Variants in PTGER4 observed in about 807,000 individuals in gnomAD.
PTGER4 encodes the protein prostaglandin E2 receptor EP4 subtype.
Under a neutral mutation model 33.2 loss-of-function variants are expected in PTGER4, and 11 were observed. The observed-to-expected ratio is 0.33, with a 90% CI of 0.21 to 0.55. The LOEUF (loss-of-function observed/expected upper bound fraction) is 0.55, where lower values mean the gene tolerates loss of function less well. Ranked by LOEUF, PTGER4 falls within the 20% of genes least tolerant of loss-of-function variation. PTGER4 has a pLI of 0.92. For synonymous variants in PTGER4, 275 were observed against 281.5 expected (o/e 0.98, Z 0.23); for missense variants, 481 against 650.2 (o/e 0.74, Z 2.83).
intron 2 of PTGER4, among the ~76,000 whole-genome samples, chr5:40,685,759 A>G (rs1741308316): frequency 6.6e-6 from 1 of 152,228 alleles, no homozygotes; most frequent in Non-Finnish European, 1.5e-5. Context: ...AAGAATTTAT[A>G]TCATTCTGCA....
the PTGER4 span, among the ~76,000 whole-genome samples, chr5:40,710,827 C>T: frequency 6.6e-6 from 1 of 151,850 alleles, no homozygotes; most frequent in South Asian, 2.1e-4. Flanking sequence ...TATCACAATG[C>T]CAAAAAACCA....
chr5:40,716,165 C>T, the PTGER4 span: 1 of 1,606,466 alleles, frequency 6.2e-7, no homozygotes, highest in Non-Finnish European at 8.5e-7. Context: ...TTGATAAAAA[C>T]AGAGCCATCT....
chr5:40,693,816 T>A, downstream of PTGER4: 2 of 708,550 alleles, frequency 2.8e-6, no homozygotes, highest in Non-Finnish European at 3.5e-6. Context: ...TCCTTTTATA[T>A]ATTTTTTTAA....
the PTGER4 span, among the ~76,000 whole-genome samples, chr5:40,730,609 C>T: frequency 5.3e-5 from 8 of 152,164 alleles, no homozygotes; most frequent in Non-Finnish European, 1.0e-4. Flanking sequence ...CCCCCTCCTC[C>T]ACCCCCGGGC....
chr5:40,728,951 C>A, the PTGER4 span, among the ~76,000 whole-genome samples: 1 of 152,094 alleles, frequency 6.6e-6, no homozygotes, highest in East Asian at 1.9e-4. Context: ...TCAAACCATA[C>A]ATACTAGGAA....
At chr5:40,730,225 AT>A in the PTGER4 span, 1 of 1,532,176 alleles carries the variant, frequency 6.5e-7, no homozygotes, top group Non-Finnish European at 9.0e-7. Context: ...ACATAGCACA[AT>A]TTCATAAGGA....
intron 2 of PTGER4, among the ~76,000 whole-genome samples, chr5:40,688,696 A>G (rs1741391335): frequency 6.6e-6 from 1 of 152,240 alleles, no homozygotes; most frequent in African/African-American, 2.4e-5. Context: ...GTTTCCAGGC[A>G]TAGCTGAAGA....
At chr5:40,701,120 G>A in the PTGER4 span, among the ~76,000 whole-genome samples, 9 of 152,320 alleles carry the variant, frequency 5.9e-5, no homozygotes, top group South Asian at 8.3e-4. Context: ...TAACTCCAAT[G>A]GTCAGAGTGT....
the PTGER4 span, among the ~76,000 whole-genome samples, chr5:40,712,695 A>C: frequency 0.32 from 48,745 of 152,094 alleles, 8,280 homozygotes; most frequent in East Asian, 0.56. Flanking sequence ...AAGGGAAAAA[A>C]GAGGCTAGCA....
the PTGER4 span, among the ~76,000 whole-genome samples, chr5:40,717,508 G>C: frequency 4.6e-5 from 7 of 152,138 alleles, no homozygotes; most frequent in Admixed American, 1.3e-4. Flanking sequence ...ATATTTGGCT[G>C]AGTAATTCTT....
the PTGER4 span, among the ~76,000 whole-genome samples, chr5:40,726,550 C>CAA: frequency 1.7e-3 from 227 of 132,854 alleles, no homozygotes; most frequent in Non-Finnish European, 2.5e-3. Flanking sequence ...ATTTAAATGG[C>CAA]AAAAAAAAAA....
the PTGER4 span, chr5:40,716,220 C>A: frequency 6.2e-7 from 1 of 1,614,162 alleles, no homozygotes; most frequent in Non-Finnish European, 8.5e-7. Flanking sequence ...TCTCTATGGC[C>A]CCAGAAGCAG....
At chr5:40,700,207 A>G in the PTGER4 span, among the ~76,000 whole-genome samples, 1 of 152,248 alleles carries the variant, frequency 6.6e-6, no homozygotes, top group African/African-American at 2.4e-5. Flanking sequence ...CAAAAATGTG[A>G]AATATTTAGG....
the PTGER4 span, among the ~76,000 whole-genome samples, chr5:40,739,910 A>T: frequency 2.6e-5 from 4 of 152,098 alleles, no homozygotes; most frequent in African/African-American, 9.7e-5. Flanking sequence ...ACAATTTTAG[A>T]TTTGGGAATA....
chr5:40,718,559 G>A, the PTGER4 span, among the ~76,000 whole-genome samples: 1 of 152,070 alleles, frequency 6.6e-6, no homozygotes, highest in Non-Finnish European at 1.5e-5. Context: ...GGCCAAAATG[G>A]TGAAACCCTG....
At position 40,691,977 on chromosome 5, in the gene PTGER4, A is replaced by C. The variant is rs767420562; in HGVS notation, c.1066A>C (p.Arg356=). Residue 356 remains arginine, a synonymous_variant, in exon 3 of 3, where the codon AGG becomes CGG. Transcript: ENST00000302472. The surrounding 1 kb of genome is among the most constrained non-coding windows in gnomAD (Gnocchi z 4.2). Reference sequence around the variant, plus strand: ...CTTCTGCCGCATTGGCGGGTCCCGCAGGGAGCGCTCCGGACAGCACTGCTC... The same window carrying C: ...CTTCTGCCGCATTGGCGGGTCCCGCCGGGAGCGCTCCGGACAGCACTGCTC... The part of the protein sequence containing the change: ...CLFCRIGGSR[R]ERSGQHCSDS... 1 of 1,613,422 alleles carries C rather than the reference A, an allele frequency of 6.2e-7. No homozygotes were observed. Among genetic ancestry groups the C allele is most frequent in the Non-Finnish European group, 8.5e-7 (1 of 1,179,990 alleles).
At chr5:40,719,282 T>C in the PTGER4 span, among the ~76,000 whole-genome samples, 1 of 152,254 alleles carries the variant, frequency 6.6e-6, no homozygotes, top group African/African-American at 2.4e-5. Flanking sequence ...TATATCTGTC[T>C]ATTCTGTATA....
the PTGER4 span, among the ~76,000 whole-genome samples, chr5:40,704,243 T>A: frequency 1.3e-5 from 2 of 152,148 alleles, no homozygotes; most frequent in African/African-American, 4.8e-5. Flanking sequence ...ACCACATGAT[T>A]ATCTCAATAA....
chr5:40,738,437 T>C, the PTGER4 span, among the ~76,000 whole-genome samples: 6 of 70,250 alleles, frequency 8.5e-5, no homozygotes, highest in Non-Finnish European at 1.7e-4. Flanking sequence ...AAATAAAATA[T>C]AAAATAAAAT....
Sources: allele counts gnomAD v4.1 joint callset (sites outside exome capture counted in the v4.1 genomes callset), GRCh38; gene constraint gnomAD v4.1.1; non-coding constraint Gnocchi (gnomAD v3.1); transcripts MANE v1.5; gene names NCBI Gene and HGNC (gene_info 2026-07-23, HGNC 2026-07-21).